Variants in FSD1L observed in about 807,000 individuals in gnomAD.
FSD1L encodes the protein fibronectin type III and SPRY domain containing 1 like, also known as FSD1-like protein.
Under a neutral mutation model 71.6 loss-of-function variants are expected in FSD1L, and 45 were observed. That is an observed-to-expected ratio of 0.63 (90% CI 0.49 to 0.81). FSD1L has a LOEUF of 0.81. FSD1L is among the 30% of genes least tolerant of loss of function. The pLI is 0.00. For synonymous variants in FSD1L, 197 were observed against 207.2 expected (o/e 0.95, Z 0.42); for missense variants, 561 against 618.1 (o/e 0.91, Z 0.98).
intron 6 of FSD1L, among the ~76,000 whole-genome samples, chr9:105,483,416 C>T (rs951860329): frequency 6.6e-6 from 1 of 152,092 alleles, no homozygotes; most frequent in African/African-American, 2.4e-5. Context: ...TTCCCCTTGT[C>T]CCACCAGCTC....
At position 105,506,551 on chromosome 9, in the gene FSD1L, G is replaced by A; in HGVS notation, c.739G>A (p.Asp247Asn). 2 of 1,551,260 alleles carry A rather than the reference G, an allele frequency of 1.3e-6. No individual in the cohort carries two copies. Among genetic ancestry groups the A allele is most frequent in the Non-Finnish European group, 1.7e-6 (2 of 1,146,734 alleles). The change falls in exon 8 of 14, where the codon GAT becomes AAT. Residue 247 changes from aspartate to asparagine, a missense_variant. By Grantham distance (23) the Asp-to-Asn change is conservative. This residue lies in a region of FSD1L where 410 missense variants were observed against 413.5 expected (regional missense o/e 0.99). Coordinates refer to ENST00000481272, the MANE Select transcript of FSD1L (RefSeq NM_001145313.3). ...TNFDGLPRVKDERCWEIIDNI... is the reference protein window; with the variant it reads ...TNFDGLPRVKNERCWEIIDNI... ...TTTTGATGGACTTCCACGTGTAAAGGATGAGCGATGCTGGGAGATAATTGA... is the reference window on the plus strand; with the variant it reads ...TTTTGATGGACTTCCACGTGTAAAGAATGAGCGATGCTGGGAGATAATTGA...
chr9:105,522,653 C>T, intron 10 of FSD1L: 2 of 1,612,424 alleles, frequency 1.2e-6, no homozygotes, highest in East Asian at 2.2e-5. Flanking sequence ...GCACTTCTGA[C>T]ATCTTGGAAC....
chr9:105,524,046 C>G, intron 10 of FSD1L: 1 of 1,606,824 alleles, frequency 6.2e-7, no homozygotes, highest in African/African-American at 1.3e-5. Flanking sequence ...TGCTGTGTCT[C>G]AGTTTACAGA....
intron 7 of FSD1L, among the ~76,000 whole-genome samples, chr9:105,505,917 T>G (rs1834025736): frequency 6.6e-6 from 1 of 152,224 alleles, no homozygotes; most frequent in African/African-American, 2.4e-5. Context: ...GAAAAGAAAT[T>G]AATGTTCATA....
intron 4 of FSD1L, among the ~76,000 whole-genome samples, chr9:105,469,405 C>T (rs930795192): frequency 6.6e-6 from 1 of 151,434 alleles, no homozygotes; most frequent in Non-Finnish European, 1.5e-5. Flanking sequence ...GTTCCAATTT[C>T]TTCATGTGCT....
At chr9:105,493,678 T>G (rs1330208508) in intron 7 of FSD1L, among the ~76,000 whole-genome samples, 1 of 152,184 alleles carries the variant, frequency 6.6e-6, no homozygotes, top group South Asian at 2.1e-4. Flanking sequence ...CTTCAGGAGC[T>G]CTTTTAGGGC....
chr9:105,470,755 G>C (rs2131640445), intron 4 of FSD1L, among the ~76,000 whole-genome samples: 1 of 152,134 alleles, frequency 6.6e-6, no homozygotes, highest in Non-Finnish European at 1.5e-5. Context: ...TCATATTTGG[G>C]GGTGGGGGAT....
chr9:105,515,565 C>T (rs1834661541), intron 10 of FSD1L, among the ~76,000 whole-genome samples: 1 of 152,066 alleles, frequency 6.6e-6, no homozygotes, highest in Non-Finnish European at 1.5e-5. Context: ...TTGTCTCACC[C>T]AGGAAGTGCA....
intron 1 of FSD1L, among the ~76,000 whole-genome samples, chr9:105,454,223 A>G (rs1360841909): frequency 1.3e-5 from 2 of 152,198 alleles, no homozygotes; most frequent in Admixed American, 6.5e-5. Context: ...GTATCATGCT[A>G]TATATGCTGC....
In FSD1L at chr9:105,543,775, T is replaced by G. The variant is rs1348752841; in HGVS notation, c.1468-2583T>G. On this transcript the variant is annotated intron_variant, in intron 13 of 13. Transcript: ENST00000481272. ...AAGGACATGAACTCATCCTTTTTTATGGCTGCATAGTATTCCCTGGTGTAT... is the reference window on the plus strand; with the variant it reads ...AAGGACATGAACTCATCCTTTTTTAGGGCTGCATAGTATTCCCTGGTGTAT... Among the ~76,000 whole-genome samples, 5 of 152,350 alleles carry G rather than the reference T, an allele frequency of 3.3e-5. No individual in the cohort carries two copies. The East Asian group carries it at 9.6e-4, about 29-fold the overall frequency.
chr9:105,464,702 G>C (rs2131615117), intron 3 of FSD1L, among the ~76,000 whole-genome samples: 1 of 152,272 alleles, frequency 6.6e-6, no homozygotes, highest in Non-Finnish European at 1.5e-5. Flanking sequence ...TACGTGTGAT[G>C]GCTCATGCCT....
intron 7 of FSD1L, among the ~76,000 whole-genome samples, chr9:105,498,222 T>TATTATC (rs1052574729): frequency 1.3e-5 from 2 of 148,970 alleles, no homozygotes; most frequent in Non-Finnish European, 3.0e-5. Flanking sequence ...TTATTATTAT[T>TATTATC]ATTGTTTTTA....
At chr9:105,452,719 T>TTCC (rs1830115702) in intron 1 of FSD1L, among the ~76,000 whole-genome samples, 4 of 80,892 alleles carry the variant, frequency 4.9e-5, no homozygotes, top group Non-Finnish European at 7.5e-5. Flanking sequence ...TCCTTCCTTC[T>TTCC]TTCCTTCTTT....
chr9:105,538,498 C>G (rs1937459796), intron 12 of FSD1L, among the ~76,000 whole-genome samples: 1 of 152,010 alleles, frequency 6.6e-6, no homozygotes, highest in South Asian at 2.1e-4. Context: ...TGATACAAAC[C>G]AAGGGAATGG....
chr9:105,526,369 C>T (rs1047734675), intron 10 of FSD1L: 2 of 1,612,934 alleles, frequency 1.2e-6, no homozygotes, highest in Non-Finnish European at 1.7e-6. Flanking sequence ...AATATCAGTT[C>T]TGTTTATCTG....
chr9:105,545,972 T>C (rs561803499), intron 13 of FSD1L, among the ~76,000 whole-genome samples: 57 of 152,276 alleles, frequency 3.7e-4, no homozygotes, highest in Non-Finnish European at 8.1e-4. Flanking sequence ...CCATATCTCA[T>C]TATCAAAACC....
chr9:105,535,046 T>C (rs753067473), intron 11 of FSD1L, 21 bp from the exon 12 acceptor site: 144 of 1,551,084 alleles, frequency 9.3e-5, no homozygotes, highest in Non-Finnish European at 1.3e-5. Flanking sequence ...GAGTCAAATC[T>C]ACCTTTCTGA....
chr9:105,492,118 C>T (rs1448075175), intron 7 of FSD1L, among the ~76,000 whole-genome samples: 1 of 152,054 alleles, frequency 6.6e-6, no homozygotes, highest in African/African-American at 2.4e-5. Flanking sequence ...GCTGTGAATC[C>T]ATCTGGTCCT....
chr9:105,462,218 T>TG (rs1483217166), intron 2 of FSD1L, among the ~76,000 whole-genome samples: 22 of 151,418 alleles, frequency 1.5e-4, no homozygotes, highest in African/African-American at 5.3e-4. Context: ...TTTTAAGTTT[T>TG]GTTTTTTTTT....
Sources: allele counts gnomAD v4.1 joint callset (sites outside exome capture counted in the v4.1 genomes callset), GRCh38; gene constraint gnomAD v4.1.1; regional missense constraint gnomAD v4.1.1; transcripts MANE v1.5; gene names NCBI Gene and HGNC (gene_info 2026-07-23, HGNC 2026-07-21).